The following ZNF829 variants were observed in gnomAD, a reference collection of about 807,000 sequenced individuals.
ZNF829 encodes the protein zinc finger protein 829.
ZNF829 carries 25 observed loss-of-function variants against 35.2 expected under a neutral mutation model. The ratio of observed to expected loss-of-function variants is 0.71; its 90% confidence interval spans 0.52 to 0.99. ZNF829 has a LOEUF of 0.99. Among genes scored for constraint, ZNF829 ranks in the 50% least tolerant of loss-of-function variants. The pLI is 0.00. For synonymous variants in ZNF829, 136 were observed against 163.2 expected, an observed-to-expected ratio of 0.83 and a Z score of 1.27; for missense variants, 417 against 515.3, an observed-to-expected ratio of 0.81 and a Z score of 1.85.
chr19:36,914,827 A>G (rs1193700176), intron 3 of ZNF829, 138 bp downstream of exon 3: 2 of 735,206 alleles, frequency 2.7e-6, no homozygotes, highest in Admixed American at 5.7e-5. Context: ...ATCAGAATAA[A>G]TATTTGAGAA....
chr19:36,896,689 G>T (rs2073116896), intron 5 of ZNF829, among the ~76,000 whole-genome samples: 1 of 152,110 alleles, frequency 6.6e-6, no homozygotes, highest in Non-Finnish European at 1.5e-5. Flanking sequence ...ATCAGCACAT[G>T]GAACATCCTC....
rs547285707 is a variant in ZNF829 at position 36,888,211 on chromosome 19, G to T, written c.*3281C>A. 6.7e-6 allele frequency: 1 copy of T among 148,634 alleles called. No homozygotes were observed. The highest frequency in any genetic ancestry group is 2.5e-5 in the African/African-American group (1 of 40,034). 9.2% of individuals were successfully genotyped at this position (148,634 alleles called of 1,614,324 possible). On this transcript the variant is annotated 3_prime_UTR_variant, in exon 6 of 6. Coordinates refer to ENST00000391711, the MANE Select transcript of ZNF829 (RefSeq NM_001037232.4). The stretch of plus-strand genomic sequence containing the variant: ...ATCAGTTTCTCATAACATAGAAATA[G>T]AAATGAAATTATAAATTGTGCTGTC...
At chr19:36,896,985 C>G (rs1485047727) in intron 5 of ZNF829, among the ~76,000 whole-genome samples, 1 of 152,042 alleles carries the variant, frequency 6.6e-6, no homozygotes, top group Non-Finnish European at 1.5e-5. Flanking sequence ...ACATGAAAAC[C>G]TACCAAGACT....
In ZNF829 at chr19:36,892,233, A is replaced by C; in HGVS notation, c.558T>G (p.Ser186=). The C allele has an allele frequency of 6.2e-7, 1 of 1,614,108 alleles. No individual in the cohort carries two copies. Among genetic ancestry groups the C allele is most frequent in the Non-Finnish European group, 8.5e-7 (1 of 1,180,040 alleles). The change falls in exon 6 of 6, where the codon TCT becomes TCG. Residue 186 remains serine (S), a synonymous_variant. Coordinates refer to ENST00000391711, the MANE Select transcript of ZNF829 (RefSeq NM_001037232.4). ...RIHFGEKHYE[S]KEYGKSFSRG... ...GACTAAAGGACTTCCCATACTCCTT[A>C]GATTCATAGTGTTTTTCACCAAAAT... is the stretch of plus-strand genomic sequence containing the variant.
At chr19:36,908,534 G>C in intron 3 of ZNF829, 75 bp from the exon 4 acceptor site, 1 of 1,503,674 alleles carries the variant, frequency 6.7e-7, no homozygotes, top group Non-Finnish European at 8.9e-7. Flanking sequence ...AGAAAGGACA[G>C]AGTAAGCAAA....
At chr19:36,907,903 C>G in intron 5 of ZNF829, 26 bp downstream of exon 5, 1 of 1,587,516 alleles carries the variant, frequency 6.3e-7, no homozygotes, top group Non-Finnish European at 8.6e-7. Context: ...TATAGCCCTG[C>G]TCCTGAGCCA....
rs757647680 is a variant in ZNF829 at position 36,908,369 on chromosome 19, C to T, written c.187G>A (p.Val63Met). ...DADQMNLYKE[V>M]MLENFSNLVS... Reference sequence around the variant, plus strand: ...AGGTTGCTGAAATTCTCCAACATCACTTCTTTGTATAAATTCATCTGATCA... The same window carrying T: ...AGGTTGCTGAAATTCTCCAACATCATTTCTTTGTATAAATTCATCTGATCA... The change falls in exon 4 of 6, where the codon GTG becomes ATG. Residue 63 changes from valine to methionine, a missense_variant. Physicochemically the swap from Val to Met is conservative, Grantham distance 21 (BLOSUM62 1). Transcript: ENST00000391711. 1 of 1,613,668 alleles carries T rather than the reference C, an allele frequency of 6.2e-7. No homozygotes were observed. Among genetic ancestry groups the T allele is most frequent in the African/African-American group, 1.3e-5 (1 of 74,930 alleles).
intron 3 of ZNF829, among the ~76,000 whole-genome samples, chr19:36,910,930 C>T (rs890530626): frequency 1.4e-4 from 22 of 152,088 alleles, no homozygotes; most frequent in African/African-American, 5.1e-4. Context: ...TTGCTTGAAC[C>T]CGGGAGGCGG....
At chr19:36,914,506 C>T (rs761671550) in intron 3 of ZNF829, among the ~76,000 whole-genome samples, 6 of 151,890 alleles carry the variant, frequency 4.0e-5, no homozygotes, top group Admixed American at 2.0e-4. Context: ...TGGGGGTGGG[C>T]GGGTATAAGT....
rs749438632 is a variant in ZNF829 at position 36,908,418 on chromosome 19, T to C, written c.138A>G (p.Gln46=). 4 of 1,612,680 alleles carry C rather than the reference T, an allele frequency of 2.5e-6. No individual in the cohort carries two copies. Among genetic ancestry groups the C allele is most frequent in the Non-Finnish European group, 3.4e-6 (4 of 1,179,300 alleles). ...CAGCGTCCAGGCATTCCCATTCCTCTTGAGAGAAGTCTATGGAAACATCCC... is the reference window on the plus strand; with the variant it reads ...CAGCGTCCAGGCATTCCCATTCCTCCTGAGAGAAGTCTATGGAAACATCCC... ...MFRDVSIDFS[Q]EEWECLDADQ... is the part of the protein sequence containing the mutation. Residue 46 remains glutamine, a synonymous_variant, in exon 4 of 6, where the codon CAA becomes CAG. Coordinates refer to ENST00000391711, the MANE Select transcript of ZNF829 (RefSeq NM_001037232.4).
chr19:36,911,522 A>G lies in ZNF829; in HGVS notation c.97-3063T>C, dbSNP rs761039276. On this transcript the variant is annotated intron_variant, in intron 3 of 5. Transcript: ENST00000391711. ...CAGCTGGGACTGAGCCTCTTAAGCAATGGGGTCTATGTTAACTCTGGGTAG... is the reference window on the plus strand; with the variant it reads ...CAGCTGGGACTGAGCCTCTTAAGCAGTGGGGTCTATGTTAACTCTGGGTAG... Among the ~76,000 whole-genome samples, 7 of 152,136 alleles carry G rather than the reference A, an allele frequency of 4.6e-5. No individual in the cohort carries two copies. In the East Asian group the frequency reaches 7.8e-4, roughly 17 times the overall value.
chr19:36,899,264 A>ACCCCC (rs111462486), intron 5 of ZNF829, among the ~76,000 whole-genome samples: 4 of 150,064 alleles, frequency 2.7e-5, no homozygotes, highest in Admixed American at 1.3e-4. Context: ...ACATAGGGAG[A>ACCCCC]CCCCCCCCGA....
rs972791873 is a variant in ZNF829, at chr19:36,902,569, G to A, written c.319+5360C>T. ...AGGGTCACTTAAGCCTGGGAGAGGC[G>A]GGTGTGGTGGAGGTTGTAGTGAGCC... is the stretch of plus-strand genomic sequence containing the variant. On this transcript the variant is annotated intron_variant, in intron 5 of 5. Coordinates refer to ENST00000391711, the MANE Select transcript of ZNF829 (RefSeq NM_001037232.4). Among the ~76,000 whole-genome samples, 97 of 151,990 alleles carry A rather than the reference G, an allele frequency of 6.4e-4. 1 individual carries two copies. Among genetic ancestry groups the A allele is most frequent in the Non-Finnish European group, 2.9e-4 (20 of 67,992 alleles).
chr19:36,897,881 G>A (rs1012938470), intron 5 of ZNF829, among the ~76,000 whole-genome samples: 5 of 152,192 alleles, frequency 3.3e-5, no homozygotes, highest in African/African-American at 1.2e-4. Context: ...ACAAAAATAA[G>A]TAGTACGCTG....
chr19:36,903,488 T>C (rs534818364), intron 5 of ZNF829, among the ~76,000 whole-genome samples: 1 of 152,342 alleles, frequency 6.6e-6, no homozygotes, highest in African/African-American at 2.4e-5. Context: ...AATGTTTATA[T>C]ATCACAGTTC....
intron 5 of ZNF829, among the ~76,000 whole-genome samples, chr19:36,896,316 A>G (rs1438673564): frequency 6.6e-6 from 1 of 151,384 alleles, no homozygotes; most frequent in Non-Finnish European, 1.5e-5. Context: ...CAAAAAAAAA[A>G]AAAGAAAGAA....
At chr19:36,910,474 T>G (rs2073255007) in intron 3 of ZNF829, among the ~76,000 whole-genome samples, 1 of 152,248 alleles carries the variant, frequency 6.6e-6, no homozygotes, top group Non-Finnish European at 1.5e-5. Context: ...TCTTGGAAAT[T>G]ACAATTCTTA....
intron 5 of ZNF829, chr19:36,892,855 C>T: frequency 8.8e-7 from 1 of 1,132,774 alleles, no homozygotes; most frequent in South Asian, 4.1e-5. Context: ...AGCTCTGTGT[C>T]TCCTCGTCGT....
At chr19:36,913,989 G>T (rs564389541) in intron 3 of ZNF829, among the ~76,000 whole-genome samples, 1 of 152,214 alleles carries the variant, frequency 6.6e-6, no homozygotes, top group East Asian at 1.9e-4. Context: ...GAAGACCAAT[G>T]AGAACACAAT....
Sources: gnomAD v4.1 joint callset for allele counts (sites outside exome capture counted in the v4.1 genomes callset) on GRCh38, gnomAD v4.1.1 for gene constraint, MANE v1.5 for transcripts, NCBI Gene and HGNC (gene_info 2026-07-23, HGNC 2026-07-21) for gene names.